GGT7: variants seen among roughly 807,000 people sequenced by gnomAD.
GGT7 encodes glutathione hydrolase 7.
A neutral mutation model predicts 69.2 loss-of-function variants in GGT7; 30 were observed. The ratio of observed to expected loss-of-function variants is 0.43; its 90% confidence interval spans 0.32 to 0.59. The LOEUF is 0.59. Among genes scored for constraint, GGT7 ranks in the 20% least tolerant of loss-of-function variants. GGT7 has a pLI of 0.05. For missense variants in GGT7, 733 were observed against 901.1 expected, an observed-to-expected ratio of 0.81 and a Z score of 2.39; for synonymous variants, 388 against 391.8, an observed-to-expected ratio of 0.99 and a Z score of 0.12.
chr20:34,852,563 G>T lies in GGT7; in HGVS notation c.1320-25C>A, dbSNP rs747319893. The stretch of plus-strand genomic sequence containing the variant: ...GCTGAAAAGACAAGGGGTGGGAGAT[G>T]AGCAAACAACAGGCTCTCAATACAC... On this transcript the variant is annotated intron_variant, in intron 10 of 14. Transcript: ENST00000336431. 8.4e-6 allele frequency: 13 copies of T among 1,554,516 alleles called. No individual in the cohort carries two copies. In the Middle Eastern group the frequency reaches 6.1e-4, roughly 73 times the overall value.
chr20:34,872,085 G>T (rs1327057234), intron 1 of GGT7: 1 of 152,286 alleles, frequency 6.6e-6, no homozygotes, highest in Non-Finnish European at 1.5e-5. Context: ...AGGCGTTCTA[G>T]TCCCCAAGGA....
At chr20:34,850,336 A>G (rs1418668247) in intron 13 of GGT7, 2 of 584,424 alleles carry the variant, frequency 3.4e-6, no homozygotes, top group Non-Finnish European at 6.2e-6. Context: ...TCTTTAATCT[A>G]GCCCGGGGCT....
intron 10 of GGT7, among the ~76,000 whole-genome samples, chr20:34,853,277 A>G (rs1456030160): frequency 6.6e-6 from 1 of 151,844 alleles, no homozygotes; most frequent in African/African-American, 2.4e-5. Context: ...GTTTTTTCCC[A>G]AGGCACAGAG....
At position 34,851,254 on chromosome 20, in the gene GGT7, G is replaced by A. The variant is rs538566828; in HGVS notation, c.1702C>T (p.Arg568Trp). The change falls in exon 13 of 15, where the codon CGG becomes TGG. Residue 568 changes from arginine (R) to tryptophan (W), a missense_variant. Transcript: ENST00000336431. ...ACCTGTGTCAGGCCGCTGAGGCCCCGCGCAGCTCCATTGGCCCCCAGAGCG... is the reference window on the plus strand; with the variant it reads ...ACCTGTGTCAGGCCGCTGAGGCCCCACGCAGCTCCATTGGCCCCCAGAGCG... ...YLALGANGAA[R>W]GLSGLTQVLL... 2.2e-5 allele frequency: 36 copies of A among 1,613,692 alleles called. 1 individual carries two copies. The South Asian group carries it at 3.4e-4, about 15-fold the overall frequency.
chr20:34,864,329 A>C (rs894513314), intron 1 of GGT7, among the ~76,000 whole-genome samples: 1 of 152,100 alleles, frequency 6.6e-6, no homozygotes, highest in Admixed American at 6.6e-5. Flanking sequence ...AAAGGCCCTA[A>C]AGTGGGAATG....
chr20:34,855,072 G>A (rs1298291274), intron 8 of GGT7, 149 bp from the exon 9 acceptor site: 2 of 725,524 alleles, frequency 2.8e-6, no homozygotes. Flanking sequence ...GAGAGGCAAA[G>A]AGACTCATTC....
intron 7 of GGT7, among the ~76,000 whole-genome samples, chr20:34,859,052 C>G (rs1320573633): frequency 6.6e-6 from 1 of 152,072 alleles, no homozygotes; most frequent in Non-Finnish European, 1.5e-5. Context: ...CACCTGTAAT[C>G]CCAGTTACTC....
intron 1 of GGT7, chr20:34,872,012 C>T (rs2079786912): frequency 6.6e-6 from 1 of 152,186 alleles, no homozygotes; most frequent in South Asian, 2.1e-4. Flanking sequence ...AGCAGAGTAC[C>T]TTACTAATAC....
At chr20:34,850,904 T>C in intron 13 of GGT7, 1 of 627,816 alleles carries the variant, frequency 1.6e-6, no homozygotes, top group Non-Finnish European at 3.0e-6. Context: ...GAGGGCTGGT[T>C]GTCTATTCAG....
In GGT7 at chr20:34,862,947, C is replaced by T. The variant is rs1309939860; in HGVS notation, c.424G>A (p.Val142Met). ...GTGCAGCGGGCAGCATCGGTCACCACGGCACCCTGCTGGAAGATCTGGGAG... is the reference window on the plus strand; with the variant it reads ...GTGCAGCGGGCAGCATCGGTCACCATGGCACCCTGCTGGAAGATCTGGGAG... ...GDPQIFQQGA[V>M]VTDAARCTSL... is the part of the protein sequence containing the mutation. The change falls in exon 3 of 15, where the codon GTG becomes ATG. Residue 142 changes from valine (V) to methionine (M), a missense_variant. Physicochemically the swap from Val to Met is conservative, Grantham distance 21. Transcript: ENST00000336431. 1.9e-6 allele frequency: 3 copies of T among 1,613,340 alleles called. No homozygotes were observed. The highest frequency in any genetic ancestry group is 2.2e-5 in the East Asian group (1 of 44,852).
intron 7 of GGT7, 116 bp from the exon 8 acceptor site, chr20:34,857,009 AC>A (rs1568935034): frequency 1.4e-6 from 1 of 721,096 alleles, no homozygotes; most frequent in Non-Finnish European, 2.5e-6. Flanking sequence ...GCCTTCTGCA[AC>A]CCCCATCGTG....
At chr20:34,853,454 C>T (rs6119534) in intron 10 of GGT7, among the ~76,000 whole-genome samples, 49,304 of 149,374 alleles carry the variant, frequency 0.33, 8,547 homozygotes, top group Middle Eastern at 0.4. Context: ...TCAACTGAGG[C>T]GGGAGGCTGA....
At chr20:34,860,946 A>T (rs2079584256) in intron 4 of GGT7, among the ~76,000 whole-genome samples, 1 of 152,026 alleles carries the variant, frequency 6.6e-6, no homozygotes, top group Non-Finnish European at 1.5e-5. Flanking sequence ...CCTTCATTTA[A>T]CCTATTCAGT....
chr20:34,872,609 TC>T, intron 1 of GGT7, 37 bp downstream of exon 1: 1 of 1,387,630 alleles, frequency 7.2e-7, no homozygotes, highest in South Asian at 1.7e-5. Context: ...ACCGGGGACT[TC>T]CCAAGGCAGG....
intron 3 of GGT7, among the ~76,000 whole-genome samples, chr20:34,862,583 TA>T (rs113536080): frequency 0.022 from 2,762 of 126,596 alleles, 24 homozygotes; most frequent in African/African-American, 0.039. Flanking sequence ...TTTTTCTAGT[TA>T]AAAAAAAAAA....
rs2079280177 is a variant in GGT7 at position 34,845,130 on chromosome 20, C to T, written c.*198G>A. The T allele has an allele frequency of 4.5e-6, 2 of 445,788 alleles. No individual in the cohort carries two copies. Among genetic ancestry groups the T allele is most frequent in the Middle Eastern group, 7.0e-4 (1 of 1,438 alleles). 27.6% of individuals were successfully genotyped at this position (445,788 alleles called of 1,614,324 possible). A position where few individuals can be genotyped will look rare whatever the true frequency, so the allele number is the denominator to read the frequency against. On this transcript the variant is annotated 3_prime_UTR_variant, in exon 15 of 15. Transcript: ENST00000336431. ...CTGACACTCACCACCACCACCACCA[C>T]CACCACCACCACCACCACCACCACA...
Position 34,845,436 on chromosome 20 carries a change from C to G in GGT7, c.1881G>C (p.Glu627Asp). 6.2e-7 allele frequency: 1 copy of G among 1,614,134 alleles called. No homozygotes were observed. The highest frequency in any genetic ancestry group is 1.1e-5 in the South Asian group (1 of 91,078). ...GGACCCAGGATAAGACATCTACTTT[C>G]TCCACGTGGTGACCCCTGGCTTCCA... is the stretch of plus-strand genomic sequence containing the variant. ...EFLEARGHHV[E>D]KVDVLSWVHG... Residue 627 changes from glutamate to aspartate, a missense_variant, in exon 15 of 15, where the codon GAG becomes GAC. By Grantham distance (45) the Glu-to-Asp change is conservative (BLOSUM62 2). Transcript: ENST00000336431.
intron 8 of GGT7, among the ~76,000 whole-genome samples, chr20:34,855,814 T>TGTGTGTGTGTGTGTGTGTGTGTGAGA (rs56219337): frequency 1.4e-5 from 2 of 144,518 alleles, no homozygotes; most frequent in African/African-American, 5.3e-5. Flanking sequence ...TGTGTGTGTG[T>TGTGTGTGTGTGTGTGTGTGTGTGAGA]GATAATGGTC....
chr20:34,872,628 CG>C lies in GGT7; in HGVS notation c.169+18del. 1 of 1,437,454 alleles carries C rather than the reference CG, an allele frequency of 7.0e-7. No homozygotes were observed. Among genetic ancestry groups the C allele is most frequent in the Non-Finnish European group, 9.1e-7 (1 of 1,094,612 alleles). 89.0% of individuals were successfully genotyped at this position (1,437,454 alleles called of 1,614,324 possible). On this transcript the variant is annotated intron_variant, in intron 1 of 14. Coordinates refer to ENST00000336431, the MANE Select transcript of GGT7 (RefSeq NM_178026.3). ...GGGACTTCCCAAGGCAGGGCAGGGA[CG>C]GGGTCAGCGGGCCTCACCGGTGTCG...
Sources: allele counts gnomAD v4.1 joint callset (sites outside exome capture counted in the v4.1 genomes callset), GRCh38; gene constraint gnomAD v4.1.1; transcripts MANE v1.5; gene names NCBI Gene and HGNC (gene_info 2026-07-23, HGNC 2026-07-21).